Variants in CACNB4 observed in about 807,000 individuals in gnomAD.
CACNB4 encodes voltage-dependent L-type calcium channel subunit beta-4.
A neutral mutation model predicts 71.2 loss-of-function variants in CACNB4; 32 were observed. That is an observed-to-expected ratio of 0.45 (90% CI 0.34 to 0.60). The LOEUF is 0.60. Among genes scored for constraint, CACNB4 ranks in the 20% least tolerant of loss-of-function variants. The pLI is 0.01. For synonymous variants in CACNB4, 231 were observed against 236.9 expected, an observed-to-expected ratio of 0.97 and a Z score of 0.23; for missense variants, 464 against 647.9, an observed-to-expected ratio of 0.72 and a Z score of 3.08.
At chr2:151,890,041 T>C (rs2099850345) in intron 2 of CACNB4, among the ~76,000 whole-genome samples, 1 of 152,344 alleles carries the variant, frequency 6.6e-6, no homozygotes, top group East Asian at 1.9e-4. Flanking sequence ...TTTGTTCTTT[T>C]TTTAATTACA....
At chr2:151,904,253 T>G (rs2099854192) in intron 2 of CACNB4, among the ~76,000 whole-genome samples, 1 of 152,190 alleles carries the variant, frequency 6.6e-6, no homozygotes, top group Non-Finnish European at 1.5e-5. Context: ...TTACTAAAGA[T>G]TCAAATCCTC....
chr2:152,084,904 C>T (rs1687569903), intron 2 of CACNB4, among the ~76,000 whole-genome samples: 2 of 151,930 alleles, frequency 1.3e-5, no homozygotes, highest in South Asian at 4.2e-4. Flanking sequence ...GGATTACAGG[C>T]GTGATTACGG....
At chr2:152,065,297 T>A (rs567008781) in intron 2 of CACNB4, among the ~76,000 whole-genome samples, 32 of 151,044 alleles carry the variant, frequency 2.1e-4, no homozygotes, top group Middle Eastern at 3.4e-3. Flanking sequence ...GGCAGGAGAA[T>A]CACTTGAACC....
At chr2:152,023,822 G>A (rs191916157) in intron 2 of CACNB4, among the ~76,000 whole-genome samples, 6 of 152,316 alleles carry the variant, frequency 3.9e-5, no homozygotes, top group East Asian at 1.9e-4. Context: ...CAACTTAGGC[G>A]TACAACTCAA....
intron 2 of CACNB4, among the ~76,000 whole-genome samples, chr2:152,007,659 T>G (rs986994334): frequency 6.6e-6 from 1 of 152,234 alleles, no homozygotes; most frequent in Admixed American, 6.5e-5. Flanking sequence ...TTGGCTATTG[T>G]GAAGAATGCT....
At chr2:151,908,332 T>C (rs1169221578) in intron 2 of CACNB4, among the ~76,000 whole-genome samples, 2 of 152,204 alleles carry the variant, frequency 1.3e-5, no homozygotes, top group Admixed American at 6.5e-5. Context: ...GCAGACACCA[T>C]GCAGAGACTA....
chr2:152,062,990 A>C (rs1323689877), intron 2 of CACNB4, among the ~76,000 whole-genome samples: 1 of 152,252 alleles, frequency 6.6e-6, no homozygotes, highest in Non-Finnish European at 1.5e-5. Flanking sequence ...GAGGATCAGC[A>C]GATGAGTCAG....
chr2:151,982,367 C>T (rs915077868), intron 2 of CACNB4, among the ~76,000 whole-genome samples: 3 of 152,054 alleles, frequency 2.0e-5, no homozygotes, highest in Admixed American at 1.3e-4. Context: ...GGCACAGTGG[C>T]TCACACCTGT....
intron 2 of CACNB4, among the ~76,000 whole-genome samples, chr2:152,020,314 T>A (rs1683587285): frequency 6.6e-6 from 1 of 152,220 alleles, no homozygotes; most frequent in Non-Finnish European, 1.5e-5. Context: ...TCTTCCAGGA[T>A]TTCTCCCATT....
intron 2 of CACNB4, among the ~76,000 whole-genome samples, chr2:152,092,347 A>T (rs755801841): frequency 6.6e-6 from 1 of 152,252 alleles, no homozygotes; most frequent in Non-Finnish European, 1.5e-5. Context: ...AGAGAAACAT[A>T]TCTATAACTG....
intron 2 of CACNB4, among the ~76,000 whole-genome samples, chr2:151,961,052 A>G (rs2151695699): frequency 6.6e-6 from 1 of 152,300 alleles, no homozygotes; most frequent in East Asian, 1.9e-4. Context: ...CATCCATGTA[A>G]AGGAAATGCT....
In CACNB4 at chr2:151,837,838, G is replaced by A. The variant is rs750561158; in HGVS notation, c.*1281C>T. The stretch of plus-strand genomic sequence containing the variant: ...CTTTATAATTTTCTGCATTAAAAAT[G>A]CTATAATTTTAGTCAACAAATATTT... On this transcript the variant is annotated 3_prime_UTR_variant, in exon 14 of 14. Coordinates refer to ENST00000539935, the MANE Select transcript of CACNB4 (RefSeq NM_000726.5). 5 of 152,076 alleles carry A rather than the reference G, an allele frequency of 3.3e-5. No homozygotes were observed. Among genetic ancestry groups the A allele is most frequent in the Non-Finnish European group, 7.4e-5 (5 of 67,974 alleles). 9.4% of individuals were successfully genotyped at this position (152,076 alleles called of 1,614,324 possible).
At chr2:151,995,577 C>T (rs1348737142) in intron 2 of CACNB4, among the ~76,000 whole-genome samples, 3 of 152,138 alleles carry the variant, frequency 2.0e-5, no homozygotes, top group African/African-American at 4.8e-5. Context: ...GGCATGGTGG[C>T]GGGCACCTGT....
At chr2:151,866,790 TAA>T (rs1203635089) in intron 9 of CACNB4, 1 of 152,238 alleles carries the variant, frequency 6.6e-6, no homozygotes, top group Non-Finnish European at 1.5e-5. Flanking sequence ...TCTCCAGGGC[TAA>T]GTCTCTCTCT....
At chr2:152,092,582 T>A (rs980479635) in intron 2 of CACNB4, among the ~76,000 whole-genome samples, 3 of 151,226 alleles carry the variant, frequency 2.0e-5, no homozygotes, top group East Asian at 2.0e-4. Context: ...TCTTTTTTTT[T>A]AATGAAATAT....
At chr2:151,973,790 A>G (rs1405073078) in intron 2 of CACNB4, 27 of 1,565,518 alleles carry the variant, frequency 1.7e-5, no homozygotes, top group South Asian at 2.4e-5. Flanking sequence ...CAGCTTAAAG[A>G]GAAAAGGCCT....
intron 2 of CACNB4, among the ~76,000 whole-genome samples, chr2:152,002,927 T>C (rs906686048): frequency 1.3e-5 from 2 of 152,202 alleles, no homozygotes; most frequent in African/African-American, 4.8e-5. Flanking sequence ...AAAGTCTCCA[T>C]TTGAATTAAT....
chr2:151,973,556 T>G, intron 2 of CACNB4: 1 of 941,412 alleles, frequency 1.1e-6, no homozygotes, highest in Non-Finnish European at 1.7e-6. Flanking sequence ...GATGTTAGCT[T>G]TCTGCTCCAT....
intron 2 of CACNB4, among the ~76,000 whole-genome samples, chr2:151,995,641 G>A (rs7564240): frequency 0.18 from 27,245 of 152,202 alleles, 2,582 homozygotes; most frequent in Middle Eastern, 0.39. Flanking sequence ...CCCAGAAGGT[G>A]GAGCTTGCAG....
Sources: allele counts gnomAD v4.1 joint callset (sites outside exome capture counted in the v4.1 genomes callset), GRCh38; gene constraint gnomAD v4.1.1; transcripts MANE v1.5; gene names NCBI Gene and HGNC (gene_info 2026-07-23, HGNC 2026-07-21).